NRG1: variants seen among roughly 807,000 people sequenced by gnomAD.
The protein encoded by NRG1 is neuregulin 1.
A neutral mutation model predicts 63.8 loss-of-function variants in NRG1; 18 were observed. The observed-to-expected ratio is 0.28, with a 90% CI of 0.19 to 0.42. The LOEUF is 0.42. Among genes scored for constraint, NRG1 ranks in the 10% least tolerant of loss-of-function variants. NRG1 has a pLI of 1.00. For synonymous variants in NRG1, 302 were observed against 301.3 expected (o/e 1.00, Z -0.02); for missense variants, 762 against 814.7 (o/e 0.94, Z 0.79).
At chr8:32,447,648 C>T (rs916937236) in intron 1 of NRG1, among the ~76,000 whole-genome samples, 3 of 152,106 alleles carry the variant, frequency 2.0e-5, no homozygotes, top group African/African-American at 4.8e-5. Context: ...GAGAGAGGAT[C>T]GCTTCAGCCC....
intron 1 of NRG1, among the ~76,000 whole-genome samples, chr8:32,196,607 C>G (rs187423712): frequency 6.6e-6 from 1 of 151,768 alleles, no homozygotes; most frequent in Non-Finnish European, 1.5e-5. Flanking sequence ...GAGAAGGAGG[C>G]AGTTTTTATT....
chr8:31,947,050 C>A (rs1802657593), intron 1 of NRG1, among the ~76,000 whole-genome samples: 1 of 152,136 alleles, frequency 6.6e-6, no homozygotes, highest in Non-Finnish European at 1.5e-5. Context: ...CCTGTAATCC[C>A]AGCCCTTTGG....
chr8:31,675,433 T>TA (rs1807588935), intron 1 of NRG1, among the ~76,000 whole-genome samples: 1 of 152,234 alleles, frequency 6.6e-6, no homozygotes, highest in Non-Finnish European at 1.5e-5. Flanking sequence ...TGAGGGCTGA[T>TA]ATACTCAATA....
chr8:32,007,969 A>C (rs915131351), intron 1 of NRG1, among the ~76,000 whole-genome samples: 2 of 151,986 alleles, frequency 1.3e-5, no homozygotes, highest in African/African-American at 2.4e-5. Context: ...AGGATTTAGG[A>C]AAAACTGCTG....
intron 7 of NRG1, among the ~76,000 whole-genome samples, chr8:32,751,575 G>A (rs1326762116): frequency 6.6e-6 from 1 of 152,134 alleles, no homozygotes; most frequent in East Asian, 1.9e-4. Context: ...TCACCTGATT[G>A]AGCCAAACCA....
At chr8:31,697,141 T>C (rs1044483444) in intron 1 of NRG1, among the ~76,000 whole-genome samples, 1 of 152,180 alleles carries the variant, frequency 6.6e-6, no homozygotes, top group African/African-American at 2.4e-5. Context: ...TCAAGGCCAT[T>C]CATCCAAAAT....
chr8:32,497,553 G>C (rs1191729235), intron 1 of NRG1, among the ~76,000 whole-genome samples: 3 of 151,572 alleles, frequency 2.0e-5, no homozygotes, highest in African/African-American at 7.3e-5. Context: ...ACATATTTCT[G>C]CAAGTGTTTT....
At chr8:32,205,864 C>G (rs746617351) in intron 1 of NRG1, among the ~76,000 whole-genome samples, 4 of 150,432 alleles carry the variant, frequency 2.7e-5, no homozygotes, top group Non-Finnish European at 5.9e-5. Context: ...AAGTGGGAGG[C>G]TTAGGCAGGT....
At chr8:31,672,034 C>G (rs915666096) in intron 1 of NRG1, among the ~76,000 whole-genome samples, 1 of 152,104 alleles carries the variant, frequency 6.6e-6, no homozygotes, top group Admixed American at 6.5e-5. Flanking sequence ...AGAGGTCTTA[C>G]TGTAATTAAA....
At chr8:32,327,261 T>C (rs1199940418) in intron 1 of NRG1, among the ~76,000 whole-genome samples, 1 of 152,240 alleles carries the variant, frequency 6.6e-6, no homozygotes, top group East Asian at 1.9e-4. Context: ...GTGAACAATA[T>C]TGACTTATAT....
At chr8:32,613,220 C>T (rs1240971524) in intron 3 of NRG1, among the ~76,000 whole-genome samples, 6 of 151,906 alleles carry the variant, frequency 3.9e-5, no homozygotes, top group East Asian at 1.9e-4. Context: ...CATAGTTTGC[C>T]CTCCTAATCT....
At chr8:32,684,290 A>G (rs1261670046) in intron 5 of NRG1, among the ~76,000 whole-genome samples, 1 of 152,242 alleles carries the variant, frequency 6.6e-6, no homozygotes, top group Non-Finnish European at 1.5e-5. Flanking sequence ...AACATTACCT[A>G]CATTTAAAGA....
intron 1 of NRG1, among the ~76,000 whole-genome samples, chr8:32,115,278 G>A (rs143806844): frequency 2.0e-5 from 3 of 151,926 alleles, no homozygotes; most frequent in Non-Finnish European, 4.4e-5. Flanking sequence ...TGATCCACCC[G>A]CCTCAGCCTC....
At chr8:31,756,821 G>A (rs1424721725) in intron 1 of NRG1, among the ~76,000 whole-genome samples, 1 of 152,188 alleles carries the variant, frequency 6.6e-6, no homozygotes, top group African/African-American at 2.4e-5. Context: ...GATTTGATGA[G>A]TCCATTAAGC....
At chr8:32,218,283 A>C (rs1235575129) in intron 1 of NRG1, among the ~76,000 whole-genome samples, 1 of 152,196 alleles carries the variant, frequency 6.6e-6, no homozygotes, top group Admixed American at 6.5e-5. Context: ...CAACCATTCA[A>C]ACCATGTTCA....
chr8:32,167,273 G>T (rs1417088754), intron 1 of NRG1, among the ~76,000 whole-genome samples: 1 of 152,122 alleles, frequency 6.6e-6, no homozygotes, highest in Non-Finnish European at 1.5e-5. Flanking sequence ...AGAAAGTTTT[G>T]GTTAGGAAGC....
chr8:32,258,650 T>A (rs1021944137), intron 1 of NRG1, among the ~76,000 whole-genome samples: 1 of 152,098 alleles, frequency 6.6e-6, no homozygotes, highest in Non-Finnish European at 1.5e-5. Flanking sequence ...GGAGGAACTG[T>A]CAAACACTTA....
chr8:32,591,465 G>A (rs1842505167), intron 1 of NRG1, among the ~76,000 whole-genome samples: 1 of 152,036 alleles, frequency 6.6e-6, no homozygotes, highest in Non-Finnish European at 1.5e-5. Flanking sequence ...CATCTCGTAA[G>A]GCAAGGAATG....
At chr8:31,949,227 T>C (rs920475016) in intron 1 of NRG1, among the ~76,000 whole-genome samples, 2 of 152,204 alleles carry the variant, frequency 1.3e-5, no homozygotes, top group African/African-American at 4.8e-5. Context: ...TATACCTATT[T>C]TGCAGATGAA....
Sources: allele counts gnomAD v4.1 joint callset (sites outside exome capture counted in the v4.1 genomes callset), GRCh38; gene constraint gnomAD v4.1.1; transcripts MANE v1.5; gene names NCBI Gene and HGNC (gene_info 2026-07-23, HGNC 2026-07-21).